Variants in ERICH1 observed in about 807,000 individuals in gnomAD.
The protein encoded by ERICH1 is glutamate-rich protein 1.
A neutral mutation model predicts 39.6 loss-of-function variants in ERICH1; 56 were observed. That is an observed-to-expected ratio of 1.41 (90% CI 1.14 to 1.77). The LOEUF (loss-of-function observed/expected upper bound fraction) is 1.77. Among genes scored for constraint, ERICH1 ranks in the 40% most tolerant of loss-of-function variants. The pLI, the probability that ERICH1 is intolerant of heterozygous loss-of-function variation, is 0.00. For missense variants in ERICH1, 826 were observed against 575.4 expected, an observed-to-expected ratio of 1.44 and a Z score of -4.45; for synonymous variants, 313 against 223.6, an observed-to-expected ratio of 1.40 and a Z score of -3.57.
intron 2 of ERICH1, among the ~76,000 whole-genome samples, chr8:715,009 G>C (rs1192629537): frequency 1.3e-5 from 2 of 151,072 alleles, no homozygotes; most frequent in East Asian, 3.9e-4. Context: ...CGTGTCTCTT[G>C]GTGGGATGTC....
At chr8:700,147 GCA>G (rs1271494038) in intron 2 of ERICH1, among the ~76,000 whole-genome samples, 1 of 122,134 alleles carries the variant, frequency 8.2e-6, no homozygotes, top group Non-Finnish European at 1.7e-5. Flanking sequence ...CCGCACAGGC[GCA>G]CAGACCCGCA....
At chr8:724,237 C>A (rs1021748970) in intron 1 of ERICH1, among the ~76,000 whole-genome samples, 3 of 152,146 alleles carry the variant, frequency 2.0e-5, no homozygotes, top group African/African-American at 7.2e-5. Flanking sequence ...CACCTGCAGG[C>A]CAGCTGCTCA....
intron 3 of ERICH1, chr8:690,928 T>C (rs1808757427): frequency 6.6e-6 from 1 of 152,256 alleles, no homozygotes; most frequent in Non-Finnish European, 1.5e-5. Context: ...CCAAAAAAGC[T>C]CAAAGGCTCT....
chr8:650,288 C>T (rs1215721310), intron 3 of ERICH1, among the ~76,000 whole-genome samples: 2 of 152,350 alleles, frequency 1.3e-5, no homozygotes, highest in East Asian at 3.9e-4. Context: ...TCCGTGGCCC[C>T]TGTCCTCGCT....
downstream of ERICH1, among the ~76,000 whole-genome samples, chr8:663,728 C>T (rs552629486): frequency 3.9e-5 from 6 of 152,156 alleles, no homozygotes; most frequent in South Asian, 4.1e-4. Flanking sequence ...GGCACCTGCC[C>T]TCACAAAATG....
intron 2 of ERICH1, among the ~76,000 whole-genome samples, chr8:704,262 A>G (rs1812774215): frequency 6.6e-6 from 1 of 152,202 alleles, no homozygotes; most frequent in Non-Finnish European, 1.5e-5. Flanking sequence ...CAAGAAATGA[A>G]AAGACTGAGG....
Position 664,559 on chromosome 8 carries a change from G to A in ERICH1, c.*44C>T, listed in dbSNP as rs775046150. On this transcript the variant is annotated 3_prime_UTR_variant, in exon 6 of 6. Transcript: ENST00000262109. ...AGCCCATCTCACATTTGTCTTTTAA[G>A]TTTTTTTGTTAAAGAGGAGCTGTTC... The A allele has an allele frequency of 2.5e-6, 4 of 1,575,046 alleles. No homozygotes were observed. The highest frequency in any genetic ancestry group is 3.4e-6 in the Non-Finnish European group (4 of 1,162,394).
intron 3 of ERICH1, among the ~76,000 whole-genome samples, chr8:658,385 G>T (rs1041814263): frequency 6.6e-6 from 1 of 152,154 alleles, no homozygotes; most frequent in Admixed American, 6.5e-5. Flanking sequence ...AGCCCCGGAA[G>T]GGGGTGGAGA....
chr8:719,730 CCA>C (rs1199731338), intron 1 of ERICH1, among the ~76,000 whole-genome samples: 2 of 152,210 alleles, frequency 1.3e-5, no homozygotes, highest in African/African-American at 4.8e-5. Context: ...ACTGAAGTGC[CCA>C]CACTTGCACA....
Position 723,204 on chromosome 8 carries a change from C to T in ERICH1, c.23-7197G>A, listed in dbSNP as rs1362052456. On this transcript the variant is annotated intron_variant, in intron 1 of 5. Coordinates refer to ENST00000262109, the MANE Select transcript of ERICH1 (RefSeq NM_207332.3). ...GCCTTCCCCAAGAGTGGAAGCTTCC[C>T]GACGGGGCCTCACCAGAAATGGGTG... Among the ~76,000 whole-genome samples, 7 of 152,192 alleles carry T rather than the reference C, an allele frequency of 4.6e-5. No homozygotes were observed. In the East Asian group the frequency reaches 9.6e-4, roughly 21 times the overall value.
chr8:639,567 G>A (rs57644033), intron 3 of ERICH1, among the ~76,000 whole-genome samples: 7 of 133,310 alleles, frequency 5.3e-5, no homozygotes, highest in Non-Finnish European at 8.1e-5. Context: ...AGAAGCAGCC[G>A]CCAACCCAGT....
At chr8:650,241 G>A (rs1799776774) in intron 3 of ERICH1, among the ~76,000 whole-genome samples, 1 of 152,184 alleles carries the variant, frequency 6.6e-6, no homozygotes. Flanking sequence ...GCCGGCCTCC[G>A]CCAGGCCGAG....
intron 3 of ERICH1, among the ~76,000 whole-genome samples, chr8:624,141 G>A (rs1797454224): frequency 6.6e-6 from 1 of 152,182 alleles, no homozygotes; most frequent in Admixed American, 6.5e-5. Flanking sequence ...CGCACGCAAA[G>A]ATGTTCAACT....
At chr8:718,912 C>G (rs73178866) in intron 1 of ERICH1, among the ~76,000 whole-genome samples, 5,017 of 152,286 alleles carry the variant, frequency 0.033, 120 homozygotes, top group Non-Finnish European at 0.046. Flanking sequence ...TTTGTCATTG[C>G]ACTCCAATCT....
intron 3 of ERICH1, among the ~76,000 whole-genome samples, chr8:678,805 C>G (rs927239196): frequency 6.6e-5 from 10 of 152,168 alleles, no homozygotes; most frequent in Non-Finnish European, 1.2e-4. Flanking sequence ...GAGACTCCAT[C>G]TCAAAAGAAA....
intron 2 of ERICH1, among the ~76,000 whole-genome samples, chr8:708,696 T>TTTTTTTTTTTTTTTTTTTTTG (rs1563319661): frequency 1.2e-4 from 17 of 138,318 alleles, no homozygotes; most frequent in Middle Eastern, 3.6e-3. Context: ...TTTTTTTTTT[T>TTTTTTTTTTTTTTTTTTTTTG]TTTTTTTTTT....
intron 3 of ERICH1, among the ~76,000 whole-genome samples, chr8:619,567 G>A (rs1797149419): frequency 6.6e-6 from 1 of 152,184 alleles, no homozygotes; most frequent in Non-Finnish European, 1.5e-5. Context: ...GAAGAAAAGA[G>A]AATCAGAAAT....
At chr8:631,971 T>A (rs925021451) in intron 3 of ERICH1, among the ~76,000 whole-genome samples, 2 of 152,156 alleles carry the variant, frequency 1.3e-5, no homozygotes, top group Non-Finnish European at 2.9e-5. Context: ...CTTCCTGTCC[T>A]TCCAGGGCTG....
rs1808954685 is a variant in ERICH1 at position 691,735 on chromosome 8, AAAAGCAGTC to A, written c.304+734_304+742del. 1.3e-5 allele frequency among the ~76,000 whole-genome samples: 2 copies of A among 152,254 alleles called. 1 individual carries two copies. The highest frequency in any genetic ancestry group is 4.1e-4 in the South Asian group (2 of 4,834). ...CTTTAATTTAGGAAGCCAGAAAGAC[AAAAGCAGTC>A]AAAAACCACATTTTGTTGATATTCA... On this transcript the variant is annotated intron_variant, in intron 3 of 5. Transcript: ENST00000262109.
Sources: allele counts gnomAD v4.1 joint callset (sites outside exome capture counted in the v4.1 genomes callset), GRCh38; gene constraint gnomAD v4.1.1; transcripts MANE v1.5; gene names NCBI Gene and HGNC (gene_info 2026-07-23, HGNC 2026-07-21).